The following LARGE1 variants were observed in gnomAD, a reference collection of about 807,000 sequenced individuals.
LARGE1 encodes xylosyl- and glucuronyltransferase LARGE1.
Under a neutral mutation model 87.6 loss-of-function variants are expected in LARGE1, and 43 were observed. The observed-to-expected ratio is 0.49, with a 90% CI of 0.38 to 0.63. The LOEUF (loss-of-function observed/expected upper bound fraction) is 0.63. Among genes scored for constraint, LARGE1 ranks in the 30% least tolerant of loss-of-function variants. The pLI is 0.00. For missense variants in LARGE1, 802 were observed against 1,000.2 expected, an observed-to-expected ratio of 0.80 and a Z score of 2.67; for synonymous variants, 434 against 394.6, an observed-to-expected ratio of 1.10 and a Z score of -1.18.
chr22:33,858,545 A>G (rs2063823291), intron 1 of LARGE1, among the ~76,000 whole-genome samples: 1 of 152,146 alleles, frequency 6.6e-6, no homozygotes, highest in South Asian at 2.1e-4. Flanking sequence ...TTAGCATTTT[A>G]GTGAGCTCTC....
intron 1 of LARGE1, among the ~76,000 whole-genome samples, chr22:33,863,165 C>T (rs2063982458): frequency 6.6e-6 from 1 of 152,190 alleles, no homozygotes; most frequent in Admixed American, 6.5e-5. Flanking sequence ...CTCAGCTTTG[C>T]CACTCAGTCA....
intron 1 of LARGE1, among the ~76,000 whole-genome samples, chr22:33,857,410 C>T (rs1014447271): frequency 1.3e-5 from 2 of 152,210 alleles, no homozygotes; most frequent in Admixed American, 6.5e-5. Flanking sequence ...GGACAGGCAA[C>T]GGCAAGAAAC....
intron 11 of LARGE1, among the ~76,000 whole-genome samples, chr22:33,174,155 T>C (rs552290940): frequency 1.3e-5 from 2 of 152,286 alleles, no homozygotes; most frequent in African/African-American, 4.8e-5. Flanking sequence ...CTGACCACAG[T>C]GCAATCAAAT....
At chr22:33,902,939 C>T (rs2065326330) in intron 1 of LARGE1, among the ~76,000 whole-genome samples, 1 of 152,132 alleles carries the variant, frequency 6.6e-6, no homozygotes, top group Non-Finnish European at 1.5e-5. Context: ...CAAGACCAGC[C>T]TGGCTAACAT....
At chr22:33,534,376 C>G (rs924217197) in intron 6 of LARGE1, among the ~76,000 whole-genome samples, 18 of 151,724 alleles carry the variant, frequency 1.2e-4, no homozygotes. Context: ...TGCACTCCAA[C>G]CTGGGCGACA....
At chr22:33,463,754 C>T (rs962439079) in intron 6 of LARGE1, among the ~76,000 whole-genome samples, 1 of 152,112 alleles carries the variant, frequency 6.6e-6, no homozygotes, top group African/African-American at 2.4e-5. Flanking sequence ...CTCACCATAA[C>T]CTCCGCCTCC....
chr22:33,628,066 C>G (rs573304897), intron 3 of LARGE1, among the ~76,000 whole-genome samples: 2 of 152,226 alleles, frequency 1.3e-5, no homozygotes, highest in Middle Eastern at 3.4e-3. Context: ...ATGGGTGCTA[C>G]GGTCTCCACC....
At chr22:33,192,329 C>T (rs1236013630) in intron 11 of LARGE1, among the ~76,000 whole-genome samples, 1 of 152,196 alleles carries the variant, frequency 6.6e-6, no homozygotes, top group Non-Finnish European at 1.5e-5. Context: ...ATTGGAACCA[C>T]TGCCTATTAA....
the LARGE1 span, among the ~76,000 whole-genome samples, chr22:33,124,061 C>T: frequency 3.3e-5 from 5 of 152,208 alleles, no homozygotes; most frequent in East Asian, 1.9e-4. Context: ...CATAAGGGGG[C>T]GGATCACTTG....
In LARGE1 at chr22:33,556,570, GGC is replaced by G. The variant is rs1569266904; in HGVS notation, c.787+8276_787+8277del. ...AGGGAGGGAGGGAGGGAGGGAGGCA[GGC>G]AGGCAGGCAGGCAGGAAGGCAGGCA... On this transcript the variant is annotated intron_variant, in intron 6 of 14. Coordinates refer to ENST00000397394, the MANE Select transcript of LARGE1 (RefSeq NM_133642.5). Among the ~76,000 whole-genome samples, 642 of 111,562 alleles carry G rather than the reference GGC, an allele frequency of 5.8e-3. 1 individual carries two copies. Among genetic ancestry groups the G allele is most frequent in the African/African-American group, 0.015 (325 of 22,318 alleles). The allele number at this position is 111,562 out of a possible 152,430, so 73.2% of individuals were successfully genotyped here.
chr22:33,528,418 A>G (rs975846198), intron 6 of LARGE1, among the ~76,000 whole-genome samples: 6 of 152,240 alleles, frequency 3.9e-5, no homozygotes, highest in Non-Finnish European at 1.5e-5. Flanking sequence ...ATGAATATTT[A>G]TAAAAGGAGA....
chr22:33,532,596 C>T (rs1024765749), intron 6 of LARGE1, among the ~76,000 whole-genome samples: 3 of 152,230 alleles, frequency 2.0e-5, no homozygotes, highest in South Asian at 4.1e-4. Flanking sequence ...CTGGCTGTCA[C>T]CAACTCAGGG....
At chr22:33,870,415 T>C (rs1217220711) in intron 1 of LARGE1, among the ~76,000 whole-genome samples, 1 of 152,220 alleles carries the variant, frequency 6.6e-6, no homozygotes, top group African/African-American at 2.4e-5. Flanking sequence ...CTGACACAGT[T>C]GGGTTTTACA....
intron 12 of LARGE1, among the ~76,000 whole-genome samples, chr22:33,289,417 A>G (rs974809769): frequency 1.3e-5 from 2 of 151,994 alleles, no homozygotes; most frequent in Non-Finnish European, 2.9e-5. Context: ...ACCTCTCCCA[A>G]CCACAGGTTC....
At chr22:33,129,722 C>T in the LARGE1 span, among the ~76,000 whole-genome samples, 2 of 152,112 alleles carry the variant, frequency 1.3e-5, no homozygotes, top group Non-Finnish European at 1.5e-5. Flanking sequence ...AAAGGAGAAG[C>T]AGGCACCTTC....
chr22:33,135,398 C>A, the LARGE1 span, among the ~76,000 whole-genome samples: 2 of 152,018 alleles, frequency 1.3e-5, no homozygotes, highest in Non-Finnish European at 2.9e-5. Context: ...GATAAAAGAC[C>A]GAGATCCTTG....
Position 33,485,404 on chromosome 22 carries a change from G to A in LARGE1, c.788-53139C>T, listed in dbSNP as rs146367650. ...AATTTTTGTATTTTTAGTAGAGACCGGGTTTCACCATGTTGGTCAGGCTGG... is the reference window on the plus strand; with the variant it reads ...AATTTTTGTATTTTTAGTAGAGACCAGGTTTCACCATGTTGGTCAGGCTGG... On this transcript the variant is annotated intron_variant, in intron 6 of 14. Transcript: ENST00000397394. Among the ~76,000 whole-genome samples, 135 of 151,868 alleles carry A rather than the reference G, an allele frequency of 8.9e-4. 7 individuals are homozygous for A. The East Asian group carries it at 0.026, about 29-fold the overall frequency.
At chr22:33,501,683 C>T (rs895549627) in intron 6 of LARGE1, among the ~76,000 whole-genome samples, 4 of 152,182 alleles carry the variant, frequency 2.6e-5, no homozygotes, top group Non-Finnish European at 5.9e-5. Context: ...GCCTGGCATC[C>T]AGATGGGGCG....
chr22:33,754,925 A>T (rs1224119395), intron 2 of LARGE1, among the ~76,000 whole-genome samples: 4 of 152,052 alleles, frequency 2.6e-5, no homozygotes, highest in African/African-American at 7.2e-5. Flanking sequence ...GGGATGGGGG[A>T]GCAGACACAG....
Sources: gnomAD v4.1 joint callset for allele counts (sites outside exome capture counted in the v4.1 genomes callset) on GRCh38, gnomAD v4.1.1 for gene constraint, MANE v1.5 for transcripts, NCBI Gene and HGNC (gene_info 2026-07-23, HGNC 2026-07-21) for gene names.